FRMD4A: variants seen among roughly 807,000 people sequenced by gnomAD.
FRMD4A encodes the protein FERM domain-containing protein 4A.
In FRMD4A, 29 loss-of-function variants were observed where a neutral mutation model predicts 129.1. The observed-to-expected ratio is 0.22, with a 90% CI of 0.17 to 0.31. FRMD4A has a LOEUF of 0.31. FRMD4A is among the 10% of genes least tolerant of loss of function. FRMD4A has a pLI of 1.00. For synonymous variants in FRMD4A, 634 were observed against 571.6 expected (o/e 1.11, Z -1.56); for missense variants, 1,272 against 1,375.8 (o/e 0.92, Z 1.19).
Position 13,769,836 on chromosome 10 carries a change from A to C in FRMD4A, c.385-7156T>G, listed in dbSNP as rs116035412. On this transcript the variant is annotated intron_variant, in intron 6 of 24. Transcript: ENST00000357447. ...CCCTTGCTTTTTGAGCTGGGACATC[A>C]CATTTCATCTTCTCTTGTCCTTGGA... 9.2e-3 allele frequency among the ~76,000 whole-genome samples: 1,392 copies of C among 152,064 alleles called. 17 individuals carry two copies. The highest frequency in any genetic ancestry group is 0.032 in the African/African-American group (1,318 of 41,464).
Position 14,027,825 on chromosome 10 carries a change from G to A in FRMD4A, c.46-168913C>T, listed in dbSNP as rs566805626. Among the ~76,000 whole-genome samples, 268 of 152,332 alleles carry A rather than the reference G, an allele frequency of 1.8e-3. 1 individual carries two copies. Among genetic ancestry groups the A allele is most frequent in the African/African-American group, 6.3e-3 (262 of 41,586 alleles). On this transcript the variant is annotated intron_variant, in intron 2 of 24. Transcript: ENST00000357447. ...AGTCACTTTAATAGTTTCCAAAGGA[G>A]AGAAATTGACCAGAAGGGAGTTAGC...
intron 2 of FRMD4A, among the ~76,000 whole-genome samples, chr10:14,005,370 G>T (rs1053294775): frequency 6.6e-6 from 1 of 152,118 alleles, no homozygotes; most frequent in Non-Finnish European, 1.5e-5. Context: ...ACAGTGACGG[G>T]CTCTTGGCAG....
chr10:14,132,272 A>G (rs190480035), intron 2 of FRMD4A, among the ~76,000 whole-genome samples: 133 of 152,278 alleles, frequency 8.7e-4, no homozygotes, highest in African/African-American at 3.0e-3. Context: ...TGGGTGACAG[A>G]GCTAGACTAC....
chr10:13,989,331 G>A (rs1462020676), intron 2 of FRMD4A, among the ~76,000 whole-genome samples: 2 of 152,120 alleles, frequency 1.3e-5, no homozygotes, highest in Non-Finnish European at 2.9e-5. Context: ...ATGCTCAGGT[G>A]ATATTAGATG....
intron 20 of FRMD4A, 52 bp from the exon 21 acceptor site, chr10:13,659,542 C>T: frequency 1.3e-6 from 2 of 1,553,866 alleles, no homozygotes; most frequent in Non-Finnish European, 1.8e-6. Flanking sequence ...AGCACCTTTC[C>T]TGGGGGGCTG....
At chr10:13,738,937 G>A (rs2090823376) in intron 11 of FRMD4A, among the ~76,000 whole-genome samples, 1 of 152,026 alleles carries the variant, frequency 6.6e-6, no homozygotes, top group African/African-American at 2.4e-5. Context: ...TTTATTAACA[G>A]AGACCTCTTG....
chr10:13,966,598 G>A (rs759487392), intron 2 of FRMD4A, among the ~76,000 whole-genome samples: 2 of 152,220 alleles, frequency 1.3e-5, no homozygotes, highest in African/African-American at 2.4e-5. Flanking sequence ...ATGGAAACCC[G>A]GGTGGGACAG....
intron 2 of FRMD4A, among the ~76,000 whole-genome samples, chr10:14,046,017 A>G (rs1309752052): frequency 1.3e-5 from 2 of 150,752 alleles, no homozygotes; most frequent in East Asian, 1.9e-4. Context: ...CATATTATAC[A>G]TATTACATAT....
At chr10:13,800,147 A>G (rs2093221370) in intron 4 of FRMD4A, among the ~76,000 whole-genome samples, 1 of 152,176 alleles carries the variant, frequency 6.6e-6, no homozygotes, top group African/African-American at 2.4e-5. Context: ...GCACTACTGC[A>G]CTCCAGCCTG....
At chr10:13,824,295 G>A (rs1461833730) in intron 3 of FRMD4A, among the ~76,000 whole-genome samples, 2 of 133,140 alleles carry the variant, frequency 1.5e-5, no homozygotes, top group Non-Finnish European at 3.1e-5. Flanking sequence ...GGCCAACATG[G>A]TGAAACCCTA....
intron 3 of FRMD4A, among the ~76,000 whole-genome samples, chr10:13,842,523 G>A (rs576797029): frequency 2.8e-4 from 42 of 152,250 alleles, no homozygotes; most frequent in Admixed American, 2.7e-3. Context: ...TTAGTAACGA[G>A]AAAGTTGAGG....
chr10:13,975,057 C>G (rs144002722), intron 2 of FRMD4A, among the ~76,000 whole-genome samples: 57 of 150,968 alleles, frequency 3.8e-4, no homozygotes, highest in Non-Finnish European at 6.8e-4. Context: ...GTCTCTGAGT[C>G]TGTGTGTGTA....
chr10:14,276,122 A>C (rs767837005), intron 2 of FRMD4A, among the ~76,000 whole-genome samples: 1 of 152,236 alleles, frequency 6.6e-6, no homozygotes, highest in Non-Finnish European at 1.5e-5. Flanking sequence ...CATTCGTCAA[A>C]TCACATGACC....
At chr10:14,202,589 C>T (rs796959782) in intron 2 of FRMD4A, among the ~76,000 whole-genome samples, 11 of 151,964 alleles carry the variant, frequency 7.2e-5, no homozygotes, top group Admixed American at 1.3e-4. Context: ...TTAGTAGAGA[C>T]GGGGTTTCAC....
At chr10:13,703,683 A>G (rs980532022) in intron 13 of FRMD4A, among the ~76,000 whole-genome samples, 1 of 152,230 alleles carries the variant, frequency 6.6e-6, no homozygotes, top group African/African-American at 2.4e-5. Flanking sequence ...ATAGGATGAC[A>G]CATTCAACTT....
chr10:13,746,535 C>T (rs534449163), intron 9 of FRMD4A, among the ~76,000 whole-genome samples: 1 of 152,234 alleles, frequency 6.6e-6, no homozygotes, highest in East Asian at 1.9e-4. Context: ...AAGACATGCC[C>T]TACCCCAGAC....
chr10:13,750,810 C>A (rs1391602484), intron 8 of FRMD4A, among the ~76,000 whole-genome samples: 1 of 152,154 alleles, frequency 6.6e-6, no homozygotes, highest in East Asian at 1.9e-4. Flanking sequence ...AACGGGTAAA[C>A]TCCTAGTGTT....
chr10:13,646,427 T>A lies in FRMD4A; in HGVS notation c.*611A>T, dbSNP rs181532355. ...TCAACCTCCCCTTCCCCCATAGCCATCCCCACAAGCTGTCCCATCAAGGAA... is the reference window on the plus strand; with the variant it reads ...TCAACCTCCCCTTCCCCCATAGCCAACCCCACAAGCTGTCCCATCAAGGAA... On this transcript the variant is annotated 3_prime_UTR_variant, in exon 25 of 25. Transcript: ENST00000357447. The A allele has an allele frequency of 1.0e-4, 16 of 152,622 alleles. No homozygotes were observed. The highest frequency in any genetic ancestry group is 3.6e-4 in the African/African-American group (15 of 41,556). 9.5% of individuals were successfully genotyped at this position (152,622 alleles called of 1,614,324 possible).
chr10:13,825,976 A>G (rs534288325), intron 3 of FRMD4A, among the ~76,000 whole-genome samples: 1 of 152,356 alleles, frequency 6.6e-6, no homozygotes, highest in Admixed American at 6.5e-5. Context: ...GTTTCATGGA[A>G]TCTGGGTGGT....
Sources: allele counts gnomAD v4.1 joint callset (sites outside exome capture counted in the v4.1 genomes callset), GRCh38; gene constraint gnomAD v4.1.1; transcripts MANE v1.5; gene names NCBI Gene and HGNC (gene_info 2026-07-23, HGNC 2026-07-21).